ESCO1: variants seen among roughly 807,000 people sequenced by gnomAD.
ESCO1 encodes the protein N-acetyltransferase ESCO1.
A neutral mutation model predicts 83.5 loss-of-function variants in ESCO1; 33 were observed. The observed-to-expected ratio is 0.40, with a 90% confidence interval of 0.30 to 0.53. ESCO1 has a LOEUF of 0.53. ESCO1 is among the 20% of genes least tolerant of loss of function. The pLI is 0.63. For synonymous variants in ESCO1, 332 were observed against 324.3 expected (o/e 1.02, Z -0.25); for missense variants, 855 against 968.0 (o/e 0.88, Z 1.55).
At chr18:21,562,871 A>G (rs1301136723) in intron 7 of ESCO1, among the ~76,000 whole-genome samples, 2 of 150,958 alleles carry the variant, frequency 1.3e-5, no homozygotes, top group African/African-American at 2.4e-5. Flanking sequence ...GTTCCATGTT[A>G]TTATTTTTTT....
intron 8 of ESCO1, among the ~76,000 whole-genome samples, chr18:21,560,644 A>T (rs1468307438): frequency 1.3e-5 from 2 of 152,198 alleles, no homozygotes; most frequent in Non-Finnish European, 2.9e-5. Context: ...TTAAATTCAA[A>T]ATCCCACAAC....
chr18:21,574,079 C>A lies in ESCO1; in HGVS notation c.765G>T (p.Val255=). 3 of 1,612,702 alleles carry A rather than the reference C, an allele frequency of 1.9e-6. No homozygotes were observed. Among genetic ancestry groups the A allele is most frequent in the Non-Finnish European group, 2.5e-6 (3 of 1,179,990 alleles). Residue 255 remains valine (V), a synonymous_variant, in exon 4 of 12, where the codon GTG becomes GTT. Coordinates refer to ENST00000269214, the MANE Select transcript of ESCO1 (RefSeq NM_052911.3). The part of the protein sequence containing the change: ...EVKRSKMATS[V]VPKKNEMKKS... Reference sequence around the variant, plus strand: ...TCTTCATCTCATTCTTTTTCGGGACCACTGAAGTAGCCATTTTTGATCTTT... The same window carrying A: ...TCTTCATCTCATTCTTTTTCGGGACAACTGAAGTAGCCATTTTTGATCTTT...
chr18:21,594,214 T>C (rs2038727499), intron 1 of ESCO1, among the ~76,000 whole-genome samples: 2 of 152,216 alleles, frequency 1.3e-5, no homozygotes, highest in Non-Finnish European at 2.9e-5. Context: ...AATTACAGGA[T>C]ACCTGCTGCT....
chr18:21,553,214 CAGG>C (rs2038066493), intron 8 of ESCO1, among the ~76,000 whole-genome samples: 1 of 151,846 alleles, frequency 6.6e-6, no homozygotes, highest in Admixed American at 6.5e-5. Flanking sequence ...TGCTTGAGCC[CAGG>C]AGGTCAAGGA....
At chr18:21,578,707 A>T (rs562843515) in intron 2 of ESCO1, among the ~76,000 whole-genome samples, 107 of 151,884 alleles carry the variant, frequency 7.0e-4, no homozygotes, top group African/African-American at 2.3e-3. Context: ...GAAAAAAAAA[A>T]TTTTTTTTGA....
At chr18:21,564,560 T>A (rs892433649) in intron 6 of ESCO1, among the ~76,000 whole-genome samples, 4 of 148,838 alleles carry the variant, frequency 2.7e-5, no homozygotes, top group African/African-American at 9.8e-5. Context: ...CCAGCTAATT[T>A]TTTTTTTTTG....
chr18:21,565,628 A>G (rs1437283042), intron 6 of ESCO1, among the ~76,000 whole-genome samples: 1 of 152,230 alleles, frequency 6.6e-6, no homozygotes, highest in Admixed American at 6.5e-5. Flanking sequence ...ATGAAATTTA[A>G]TGCAGAATTT....
chr18:21,598,377 T>C (rs1207007035), intron 1 of ESCO1, among the ~76,000 whole-genome samples: 1 of 152,196 alleles, frequency 6.6e-6, no homozygotes, highest in Non-Finnish European at 1.5e-5. Context: ...TCAATTTAAA[T>C]GCCAGCACCT....
chr18:21,600,267 C>A (rs538563181), intron 1 of ESCO1, among the ~76,000 whole-genome samples: 1 of 152,364 alleles, frequency 6.6e-6, no homozygotes, highest in South Asian at 2.1e-4. Context: ...GCAATGGCTG[C>A]GCGCCACCTC....
At chr18:21,564,730 T>A (rs1426912680) in intron 6 of ESCO1, among the ~76,000 whole-genome samples, 3 of 151,712 alleles carry the variant, frequency 2.0e-5, no homozygotes, top group Non-Finnish European at 4.4e-5. Context: ...GCTGATAAAT[T>A]TCAGCTTCAA....
At chr18:21,579,599 GTC>G (rs1486767194) in intron 2 of ESCO1, among the ~76,000 whole-genome samples, 1 of 150,988 alleles carries the variant, frequency 6.6e-6, no homozygotes, top group African/African-American at 2.4e-5. Context: ...GTGAAACCCT[GTC>G]TCTACTAAAA....
At chr18:21,532,979 C>G (rs554532243) in intron 10 of ESCO1, among the ~76,000 whole-genome samples, 1 of 152,120 alleles carries the variant, frequency 6.6e-6, no homozygotes, top group African/African-American at 2.4e-5. Flanking sequence ...GGAGCCCCCC[C>G]AATAGGAACT....
intron 8 of ESCO1, among the ~76,000 whole-genome samples, chr18:21,548,734 G>GT (rs765361795): frequency 2.8e-4 from 43 of 152,042 alleles, no homozygotes; most frequent in Admixed American, 2.0e-4. Context: ...AAGCCCAGAA[G>GT]TTTGAGACAA....
chr18:21,579,981 C>T (rs1568110023), intron 2 of ESCO1, among the ~76,000 whole-genome samples: 1 of 151,002 alleles, frequency 6.6e-6, no homozygotes, highest in African/African-American at 2.4e-5. Context: ...CTGCAACCTC[C>T]GTCTCCCGGG....
chr18:21,559,182 C>T (rs2038151396), intron 8 of ESCO1, among the ~76,000 whole-genome samples: 3 of 152,138 alleles, frequency 2.0e-5, no homozygotes, highest in African/African-American at 7.2e-5. Context: ...AGAATGTCGA[C>T]CTTGATAACA....
intron 8 of ESCO1, among the ~76,000 whole-genome samples, chr18:21,554,011 G>A (rs910422181): frequency 6.6e-6 from 1 of 151,846 alleles, no homozygotes; most frequent in Non-Finnish European, 1.5e-5. Context: ...CACCTAAGAA[G>A]ATATACAAAT....
intron 1 of ESCO1, among the ~76,000 whole-genome samples, chr18:21,591,876 C>T (rs1186995105): frequency 4.0e-5 from 6 of 151,104 alleles, no homozygotes; most frequent in African/African-American, 1.5e-4. Flanking sequence ...TGACTCTTAA[C>T]GAGCATGCTG....
intron 1 of ESCO1, among the ~76,000 whole-genome samples, chr18:21,594,968 T>C (rs1366574067): frequency 1.3e-5 from 2 of 149,280 alleles, no homozygotes; most frequent in Non-Finnish European, 3.0e-5. Context: ...TGTGTGTGTA[T>C]CTTTTTTATA....
intron 1 of ESCO1, among the ~76,000 whole-genome samples, chr18:21,586,269 C>A (rs956692331): frequency 1.3e-5 from 2 of 152,188 alleles, no homozygotes; most frequent in African/African-American, 4.8e-5. Flanking sequence ...CACATAAGAA[C>A]GAGAATATGC....
Sources: allele counts gnomAD v4.1 joint callset (sites outside exome capture counted in the v4.1 genomes callset), GRCh38; gene constraint gnomAD v4.1.1; transcripts MANE v1.5; gene names NCBI Gene and HGNC (gene_info 2026-07-23, HGNC 2026-07-21).